The following POC1A variants were observed in gnomAD, a reference collection of about 807,000 sequenced individuals.
POC1A encodes POC1 centriolar protein A.
POC1A carries 34 observed loss-of-function variants against 47.8 expected under a neutral mutation model. The ratio of observed to expected loss-of-function variants is 0.71; its 90% confidence interval spans 0.54 to 0.95. POC1A has a LOEUF of 0.95. Among genes scored for constraint, POC1A ranks in the 40% least tolerant of loss-of-function variants. The probability of loss-of-function intolerance (pLI) is 0.00; values close to 1 mark genes in which losing one functional copy is unlikely to be tolerated. For missense variants in POC1A, 466 were observed against 528.3 expected (o/e 0.88, Z 1.16); for synonymous variants, 177 against 207.6 (o/e 0.85, Z 1.27).
rs1471006801 is a variant in POC1A, at chr3:52,078,556, G to GCTGAA, written c.1126-2576_1126-2572dup. 6.2e-5 allele frequency among the ~76,000 whole-genome samples: 9 copies of GCTGAA among 144,438 alleles called. No homozygotes were observed. The East Asian group carries it at 1.8e-3, about 29-fold the overall frequency. The allele number at this position is 144,438 out of a possible 152,430, so 94.8% of individuals were successfully genotyped here. ...GACTGAGTCTCGTTCTGTCGACCCG[G>GCTGAA]CTGAAGTGCAGTGGCGCGATCTCGG... On this transcript the variant is annotated intron_variant, in intron 10 of 10. Coordinates refer to ENST00000296484, the MANE Select transcript of POC1A (RefSeq NM_015426.5).
chr3:52,147,223 C>T, intron 4 of POC1A, 128 bp from the exon 5 acceptor site: 2 of 651,778 alleles, frequency 3.1e-6, no homozygotes, highest in South Asian at 3.7e-5. Flanking sequence ...GGGTCACATG[C>T]CCTGCTGTGA....
chr3:52,126,987 A>C (rs548629526), intron 7 of POC1A, among the ~76,000 whole-genome samples: 1 of 152,340 alleles, frequency 6.6e-6, no homozygotes, highest in East Asian at 1.9e-4. Flanking sequence ...GCCATGTCCA[A>C]GTGCAGGGAA....
chr3:52,098,167 A>G (rs1702883255), intron 9 of POC1A, among the ~76,000 whole-genome samples: 1 of 152,226 alleles, frequency 6.6e-6, no homozygotes, highest in African/African-American at 2.4e-5. Flanking sequence ...TGAAGCTACC[A>G]GCAGGCCTTT....
intron 6 of POC1A, among the ~76,000 whole-genome samples, chr3:52,145,548 C>G (rs1170277438): frequency 6.6e-6 from 1 of 152,194 alleles, no homozygotes; most frequent in Non-Finnish European, 1.5e-5. Flanking sequence ...CTGACCAGAG[C>G]CCCAGTGAGG....
At position 52,147,110 on chromosome 3, in the gene POC1A, G is replaced by C. The variant is rs773718319; in HGVS notation, c.456-15C>G. 1 of 1,595,100 alleles carries C rather than the reference G, an allele frequency of 6.3e-7. No homozygotes were observed. Among genetic ancestry groups the C allele is most frequent in the South Asian group, 1.1e-5 (1 of 90,636 alleles). On this transcript the variant is annotated splice_polypyrimidine_tract_variant and intron_variant, in intron 4 of 10. Coordinates refer to ENST00000296484, the MANE Select transcript of POC1A (RefSeq NM_015426.5). ...CGGGGGAGAACCTGAACCGGGTGGG[G>C]CACAAGTCACATCACAGACTAACAG...
intron 10 of POC1A, among the ~76,000 whole-genome samples, chr3:52,077,226 T>C (rs1419950762): frequency 6.6e-6 from 1 of 152,246 alleles, no homozygotes; most frequent in African/African-American, 2.4e-5. Flanking sequence ...GAGGGTCAGA[T>C]TAACCTCACC....
chr3:52,122,121 G>A (rs1703802149), intron 9 of POC1A, among the ~76,000 whole-genome samples: 1 of 152,304 alleles, frequency 6.6e-6, no homozygotes, highest in East Asian at 1.9e-4. Context: ...ATGGCAACAC[G>A]CTCCCACCAA....
intron 10 of POC1A, among the ~76,000 whole-genome samples, chr3:52,077,423 G>T (rs1559804269): frequency 6.6e-6 from 1 of 152,252 alleles, no homozygotes; most frequent in Non-Finnish European, 1.5e-5. Flanking sequence ...AGCTGCCATG[G>T]AGGGTGCTCC....
chr3:52,149,223 C>T lies in POC1A; in HGVS notation c.442G>A (p.Val148Ile), dbSNP rs373771935. 1.2e-6 allele frequency: 2 copies of T among 1,614,044 alleles called. No individual in the cohort carries two copies. The highest frequency in any genetic ancestry group is 2.2e-5 in the East Asian group (1 of 44,888). The change falls in exon 4 of 11, where the codon GTC becomes ATC. Residue 148 changes from valine (V) to isoleucine (I), a missense_variant. By Grantham distance (29) the Val-to-Ile change is conservative. Transcript: ENST00000296484. ...AACAATGCTCACTTGGCACAGCGGA[C>T]CCAGTTGATATGCTGGCTCAGGGAG... The part of the protein sequence containing the change: ...LFSLSQHINW[V>I]RCAKFSPDGR...
chr3:52,127,208 A>G (rs1704034120), intron 7 of POC1A, among the ~76,000 whole-genome samples: 1 of 152,216 alleles, frequency 6.6e-6, no homozygotes, highest in South Asian at 2.1e-4. Flanking sequence ...TCCCAAGTGT[A>G]AGACATCACG....
intron 7 of POC1A, among the ~76,000 whole-genome samples, chr3:52,134,804 A>G (rs2107145799): frequency 6.6e-6 from 1 of 151,254 alleles, no homozygotes; most frequent in South Asian, 2.1e-4. Flanking sequence ...TGGACTCAAA[A>G]AAAAAAAAAA....
rs151126669 is a variant in POC1A at position 52,100,313 on chromosome 3, G to C, written c.982-3601C>G. ...TCAACCCATCTGGAGTTGACTTCTT[G>C]AGAGGTCTCTGAATTGACCGTGATC... On this transcript the variant is annotated intron_variant, in intron 9 of 10. Transcript: ENST00000296484. 1.7e-4 allele frequency among the ~76,000 whole-genome samples: 26 copies of C among 152,362 alleles called. No individual in the cohort carries two copies. The East Asian group carries it at 4.8e-3, about 28-fold the overall frequency.
chr3:52,134,871 C>G (rs1474858147), intron 7 of POC1A, among the ~76,000 whole-genome samples: 1 of 151,956 alleles, frequency 6.6e-6, no homozygotes, highest in African/African-American at 2.4e-5. Context: ...CCCAGGCACC[C>G]AAGACCCACT....
At chr3:52,082,164 A>C (rs1702316574) in intron 10 of POC1A, among the ~76,000 whole-genome samples, 1 of 151,958 alleles carries the variant, frequency 6.6e-6, no homozygotes, top group African/African-American at 2.4e-5. Flanking sequence ...GAGGGCAGCC[A>C]GTGGGTGAGG....
intron 9 of POC1A, among the ~76,000 whole-genome samples, chr3:52,120,273 A>C (rs1375850218): frequency 6.6e-6 from 1 of 152,232 alleles, no homozygotes; most frequent in East Asian, 1.9e-4. Context: ...ATGTATCACA[A>C]TAAAACAAGG....
chr3:52,112,139 C>A (rs560037397), intron 9 of POC1A, among the ~76,000 whole-genome samples: 1 of 152,298 alleles, frequency 6.6e-6, no homozygotes, highest in African/African-American at 2.4e-5. Context: ...CACGGGGCAG[C>A]ACTGGACTTT....
intron 7 of POC1A, among the ~76,000 whole-genome samples, chr3:52,129,554 C>A (rs888259497): frequency 2.6e-5 from 4 of 152,220 alleles, no homozygotes; most frequent in Admixed American, 1.3e-4. Context: ...CTGGCTGGGC[C>A]TTCAGCAGTG....
intron 9 of POC1A, among the ~76,000 whole-genome samples, chr3:52,110,288 C>T (rs1703335968): frequency 6.6e-6 from 1 of 152,086 alleles, no homozygotes; most frequent in African/African-American, 2.4e-5. Flanking sequence ...GTGCTCCAGG[C>T]AGGTGGAGCA....
intron 9 of POC1A, among the ~76,000 whole-genome samples, chr3:52,121,214 T>A (rs573274647): frequency 6.6e-6 from 1 of 152,308 alleles, no homozygotes; most frequent in African/African-American, 2.4e-5. Flanking sequence ...AGAGAGGGAT[T>A]CACAGGAAAG....
Sources: gnomAD v4.1 joint callset for allele counts (sites outside exome capture counted in the v4.1 genomes callset) on GRCh38, gnomAD v4.1.1 for gene constraint, MANE v1.5 for transcripts, NCBI Gene and HGNC (gene_info 2026-07-23, HGNC 2026-07-21) for gene names.